The following ATRN variants were observed in gnomAD, a reference collection of about 807,000 sequenced individuals.
The protein encoded by ATRN is attractin.
In ATRN, 54 loss-of-function variants were observed where a neutral mutation model predicts 178.7. The ratio of observed to expected loss-of-function variants is 0.30; its 90% confidence interval spans 0.24 to 0.38. The LOEUF (loss-of-function observed/expected upper bound fraction) is 0.38, where lower values mean the gene tolerates loss of function less well. ATRN is among the 10% of genes least tolerant of loss of function. ATRN has a pLI of 1.00. For synonymous variants in ATRN, 636 were observed against 663.0 expected, an observed-to-expected ratio of 0.96 and a Z score of 0.63; for missense variants, 1,443 against 1,815.1, an observed-to-expected ratio of 0.79 and a Z score of 3.73.
chr20:3,539,175 A>G (rs769693390), intron 2 of ATRN, among the ~76,000 whole-genome samples: 3 of 152,244 alleles, frequency 2.0e-5, no homozygotes, highest in Non-Finnish European at 4.4e-5. Context: ...AAATAGAATT[A>G]GGCATCAGCA....
At chr20:3,480,844 TAAG>T (rs1033000599) in intron 1 of ATRN, among the ~76,000 whole-genome samples, 2 of 152,228 alleles carry the variant, frequency 1.3e-5, no homozygotes. Flanking sequence ...ATTTTTATCT[TAAG>T]AAATACAGAA....
At chr20:3,502,194 C>G (rs1223463318) in intron 1 of ATRN, among the ~76,000 whole-genome samples, 1 of 151,768 alleles carries the variant, frequency 6.6e-6, no homozygotes, top group Non-Finnish European at 1.5e-5. Flanking sequence ...TAAAAAAAGA[C>G]CTGAAAATTT....
intron 3 of ATRN, among the ~76,000 whole-genome samples, chr20:3,544,461 C>T (rs2085669057): frequency 6.6e-6 from 1 of 151,922 alleles, no homozygotes; most frequent in African/African-American, 2.4e-5. Context: ...GGACAGATTG[C>T]GTAGGGCCTG....
intron 18 of ATRN, among the ~76,000 whole-genome samples, chr20:3,590,904 C>T (rs764083144): frequency 1.3e-5 from 2 of 152,130 alleles, no homozygotes; most frequent in Non-Finnish European, 2.9e-5. Flanking sequence ...CATGAGCATA[C>T]GTTATTTTTT....
Position 3,591,315 on chromosome 20 carries a change from A to T in ATRN, c.3322+9A>T, listed in dbSNP as rs1481586618. ...TGGAGGGAAATGTCAGCGTAAGTCA[A>T]ATTGGTCAGGTTTACTCATGGCAAA... On this transcript the variant is annotated intron_variant, in intron 19 of 28. Coordinates refer to ENST00000262919, the MANE Select transcript of ATRN (RefSeq NM_139321.3). The T allele has an allele frequency of 6.2e-7, 1 of 1,612,990 alleles. No individual in the cohort carries two copies. Among genetic ancestry groups the T allele is most frequent in the Admixed American group, 1.7e-5 (1 of 59,890 alleles).
At chr20:3,626,231 C>CAAAAA (rs3084195) in intron 25 of ATRN, among the ~76,000 whole-genome samples, 28 of 99,522 alleles carry the variant, frequency 2.8e-4, no homozygotes, top group African/African-American at 1.1e-3. Context: ...GACCCTGTCT[C>CAAAAA]AAAAAAAAAA....
intron 11 of ATRN, among the ~76,000 whole-genome samples, chr20:3,572,529 C>T (rs2086140367): frequency 6.6e-6 from 1 of 151,936 alleles, no homozygotes; most frequent in East Asian, 1.9e-4. Flanking sequence ...AAAAGTGTAT[C>T]ATGGTAGCTG....
rs2087132322 is a variant in ATRN at position 3,649,670 on chromosome 20, C to T, written c.*2823C>T. On this transcript the variant is annotated 3_prime_UTR_variant, in exon 29 of 29. Coordinates refer to ENST00000262919, the MANE Select transcript of ATRN (RefSeq NM_139321.3). ...CTTGGCCCTGCAAGCACATCATGAC[C>T]CTTTCTGGCAGCCTCTTGGTGCTCT... is the stretch of plus-strand genomic sequence containing the variant. 1 of 152,216 alleles carries T rather than the reference C, an allele frequency of 6.6e-6. No homozygotes were observed. The allele number at this position is 152,216 out of a possible 1,614,324, so 9.4% of individuals were successfully genotyped here. A position where few individuals can be genotyped will look rare whatever the true frequency, so the allele number is the denominator to read the frequency against.
At chr20:3,559,561 T>TACC in intron 7 of ATRN, 78 bp downstream of exon 7, 6 of 1,196,970 alleles carry the variant, frequency 5.0e-6, no homozygotes, top group Non-Finnish European at 7.3e-6. Flanking sequence ...GTTGAAAAGC[T>TACC]ACCTCAGTGT....
chr20:3,642,200 C>G lies in ATRN; in HGVS notation c.4051-1954C>G, dbSNP rs76126474. Among the ~76,000 whole-genome samples the G allele has an allele frequency of 7.6e-3, 1,160 of 152,334 alleles. 18 individuals are homozygous for G. The highest frequency in any genetic ancestry group is 0.027 in the African/African-American group (1,117 of 41,572). ...CTTCTTGTGTCTTTTACACCCACTT[C>G]TTCAGTGATCTTCACTATCACAGGT... On this transcript the variant is annotated intron_variant, in intron 27 of 28. Coordinates refer to ENST00000262919, the MANE Select transcript of ATRN (RefSeq NM_139321.3).
At chr20:3,605,740 G>A (rs2086668301) in intron 24 of ATRN, among the ~76,000 whole-genome samples, 1 of 152,104 alleles carries the variant, frequency 6.6e-6, no homozygotes, top group South Asian at 2.1e-4. Context: ...ACACACTGGG[G>A]CCTATTGGAG....
At chr20:3,590,180 A>G (rs2086420591) in intron 18 of ATRN, among the ~76,000 whole-genome samples, 1 of 152,056 alleles carries the variant, frequency 6.6e-6, no homozygotes, top group African/African-American at 2.4e-5. Context: ...CGAACTCCTG[A>G]CCTCAGGTGA....
intron 24 of ATRN, among the ~76,000 whole-genome samples, chr20:3,607,248 T>C (rs1417054390): frequency 6.6e-6 from 1 of 152,236 alleles, no homozygotes; most frequent in Non-Finnish European, 1.5e-5. Flanking sequence ...TTGTGTTGAG[T>C]ACATTTCACA....
intron 1 of ATRN, among the ~76,000 whole-genome samples, chr20:3,518,573 G>T (rs1216971319): frequency 6.6e-6 from 1 of 152,170 alleles, no homozygotes; most frequent in Non-Finnish European, 1.5e-5. Context: ...AAAGTCACTT[G>T]TACACTTCAA....
At chr20:3,533,679 C>T (rs1034594177) in intron 1 of ATRN, among the ~76,000 whole-genome samples, 10 of 151,748 alleles carry the variant, frequency 6.6e-5, no homozygotes, top group African/African-American at 2.4e-4. Context: ...GCATTGCATG[C>T]TCTGGATTGC....
chr20:3,512,704 G>A (rs1255100982), intron 1 of ATRN, among the ~76,000 whole-genome samples: 3 of 152,094 alleles, frequency 2.0e-5, no homozygotes, highest in African/African-American at 4.8e-5. Flanking sequence ...CAATGGTTGA[G>A]CTAGTTTACA....
At chr20:3,643,890 G>A (rs951024515) in intron 27 of ATRN, among the ~76,000 whole-genome samples, 17 of 152,132 alleles carry the variant, frequency 1.1e-4, no homozygotes, top group African/African-American at 3.4e-4. Flanking sequence ...CACTTGGCGT[G>A]GCCCCTTCCC....
chr20:3,575,749 G>T lies in ATRN; in HGVS notation c.2093-78G>T, dbSNP rs1176675053. On this transcript the variant is annotated intron_variant, in intron 12 of 28. Transcript: ENST00000262919. ...CATTTTACTTCTTAACCATTGTTAC[G>T]ATTTTTTTTTTAACTTCGGTCTCAG... 2.7e-6 allele frequency: 4 copies of T among 1,465,906 alleles called. No individual in the cohort carries two copies. The African/African-American group carries it at 5.7e-5, about 21-fold the overall frequency. 90.8% of individuals were successfully genotyped at this position (1,465,906 alleles called of 1,614,324 possible).
chr20:3,513,889 C>A (rs1207561850), intron 1 of ATRN, among the ~76,000 whole-genome samples: 1 of 152,118 alleles, frequency 6.6e-6, no homozygotes, highest in Non-Finnish European at 1.5e-5. Context: ...ATTTGGCTCT[C>A]TGTTTGTCTG....
Sources: allele counts gnomAD v4.1 joint callset (sites outside exome capture counted in the v4.1 genomes callset), GRCh38; gene constraint gnomAD v4.1.1; transcripts MANE v1.5; gene names NCBI Gene and HGNC (gene_info 2026-07-23, HGNC 2026-07-21).